Variants in MERTK observed in about 807,000 individuals in gnomAD.
MERTK encodes the protein MER proto-oncogene, tyrosine kinase.
In MERTK, 69 loss-of-function variants were observed where a neutral mutation model predicts 99.3. The observed-to-expected ratio is 0.70, with a 90% CI of 0.57 to 0.85. MERTK has a LOEUF of 0.85. MERTK is among the 40% of genes least tolerant of loss of function. The pLI is 0.00. For missense variants in MERTK, 1,125 were observed against 1,249.4 expected, an observed-to-expected ratio of 0.90 and a Z score of 1.50; for synonymous variants, 426 against 467.6, an observed-to-expected ratio of 0.91 and a Z score of 1.15.
intron 15 of MERTK, among the ~76,000 whole-genome samples, chr2:112,017,881 G>C (rs1449993518): frequency 1.3e-5 from 2 of 152,166 alleles, no homozygotes; most frequent in African/African-American, 2.4e-5. Context: ...ACAACAAGTA[G>C]AATGACTTCA....
intron 5 of MERTK, among the ~76,000 whole-genome samples, chr2:111,966,553 G>A (rs1685361411): frequency 6.6e-6 from 1 of 152,082 alleles, no homozygotes; most frequent in Admixed American, 6.5e-5. Context: ...AAAATGAAAA[G>A]CACTTCTCCA....
chr2:111,928,250 G>A (rs1231924533), intron 1 of MERTK, among the ~76,000 whole-genome samples: 25 of 116,988 alleles, frequency 2.1e-4, no homozygotes, highest in Admixed American at 3.3e-4. Flanking sequence ...TTTTGAGACA[G>A]GGTCTCACTC....
At position 111,940,418 on chromosome 2, in the gene MERTK, G is replaced by A. The variant is rs529296488; in HGVS notation, c.483-4542G>A. The stretch of plus-strand genomic sequence containing the variant: ...AGCTGTCTGAGCTCTTCTGTATACA[G>A]CAGTCACAGAATTTGAGTAGCTTCA... On this transcript the variant is annotated intron_variant, in intron 2 of 18. Transcript: ENST00000295408. 1.5e-5 allele frequency: 8 copies of A among 539,938 alleles called. No individual in the cohort carries two copies. The East Asian group carries it at 4.1e-4, about 28-fold the overall frequency. The allele number at this position is 539,938 out of a possible 1,614,324, so 33.4% of individuals were successfully genotyped here. A position where few individuals can be genotyped will look rare whatever the true frequency, so the allele number is the denominator to read the frequency against.
intron 7 of MERTK, among the ~76,000 whole-genome samples, chr2:111,980,003 G>C (rs554993927): frequency 6.6e-6 from 1 of 152,250 alleles, no homozygotes; most frequent in African/African-American, 2.4e-5. Flanking sequence ...AACTCTGTGG[G>C]TATGGGCAGA....
intron 1 of MERTK, among the ~76,000 whole-genome samples, chr2:111,904,802 G>A (rs990234791): frequency 1.1e-4 from 17 of 152,294 alleles, no homozygotes; most frequent in Admixed American, 7.8e-4. Flanking sequence ...GTATGTGTCC[G>A]CAGGTGGTCT....
At chr2:111,947,285 A>G (rs7601798) in intron 3 of MERTK, 109 bp from the exon 4 acceptor site, 207,591 of 492,490 alleles carry the variant, frequency 0.42, 38,596 homozygotes, top group African/African-American at 0.54. Flanking sequence ...CCCGCCCCCC[A>G]CAAAAAAAGA....
chr2:112,010,419 C>G (rs997655153), intron 15 of MERTK: 1 of 275,428 alleles, frequency 3.6e-6, no homozygotes, highest in Non-Finnish European at 7.2e-6. Flanking sequence ...GAAGGTGGCT[C>G]TCCTAAAAGA....
In MERTK at chr2:111,976,528, G is replaced by A. The variant is rs1356466792; in HGVS notation, c.1144+1056G>A. 9.1e-5 allele frequency among the ~76,000 whole-genome samples: 6 copies of A among 65,942 alleles called. 1 individual carries two copies. Among genetic ancestry groups the A allele is most frequent in the Admixed American group, 6.4e-4 (4 of 6,264 alleles). The allele number at this position is 65,942 out of a possible 152,430, so 43.3% of individuals were successfully genotyped here. On this transcript the variant is annotated intron_variant, in intron 7 of 18. Transcript: ENST00000295408. ...CAGAAATCATGACAAAAACCTGTGT[G>A]TGTGTGTGTGTGTGTGTGTGTGTGT...
chr2:112,028,863 G>A lies in MERTK; in HGVS notation c.2999G>A (p.Ter1000=). ...DSSEGSEVLM[*] ...TCAGAAGGCTCAGAAGTCCTGATGT[G>A]AGGAGAGGTGCGGGGAGACATTCCA... Residue 1000 remains the stop codon, a stop_retained_variant, in exon 19 of 19, where the codon TGA becomes TAA. Transcript: ENST00000295408. 1 of 1,613,784 alleles carries A rather than the reference G, an allele frequency of 6.2e-7. No individual in the cohort carries two copies. The highest frequency in any genetic ancestry group is 8.5e-7 in the Non-Finnish European group (1 of 1,180,030).
At chr2:111,985,696 G>T (rs1392520409) in intron 8 of MERTK, among the ~76,000 whole-genome samples, 1 of 152,050 alleles carries the variant, frequency 6.6e-6, no homozygotes, top group Admixed American at 6.6e-5. Context: ...GTGTGCAGGG[G>T]AACTCCCCTT....
chr2:111,945,753 G>A (rs1684951104), intron 3 of MERTK, among the ~76,000 whole-genome samples: 1 of 152,208 alleles, frequency 6.6e-6, no homozygotes, highest in African/African-American at 2.4e-5. Context: ...CCTGATTTGG[G>A]GGTTTGCATG....
At chr2:111,969,555 T>C (rs1282887769) in intron 6 of MERTK, among the ~76,000 whole-genome samples, 2 of 152,212 alleles carry the variant, frequency 1.3e-5, no homozygotes, top group Admixed American at 1.3e-4. Context: ...TAGATGTTTT[T>C]ACTCGCTAGT....
chr2:111,975,511 A>T (rs1318203901), intron 7 of MERTK, 39 bp downstream of exon 7: 1 of 1,601,024 alleles, frequency 6.2e-7, no homozygotes, highest in Non-Finnish European at 8.6e-7. Flanking sequence ...GCCCCCAATG[A>T]CATGTGATTC....
intron 2 of MERTK, chr2:111,940,956 G>A: frequency 3.1e-6 from 2 of 647,022 alleles, no homozygotes; most frequent in South Asian, 2.9e-5. Flanking sequence ...AAACAGTGAA[G>A]TTTCTAAATT....
At chr2:111,945,212 G>GTGGA in intron 3 of MERTK, 152 bp downstream of exon 3, 1 of 669,668 alleles carries the variant, frequency 1.5e-6, no homozygotes, top group Non-Finnish European at 2.7e-6. Context: ...AATTTTACAA[G>GTGGA]GTACTCCACT....
intron 6 of MERTK, among the ~76,000 whole-genome samples, chr2:111,969,848 C>T (rs1254556767): frequency 4.6e-5 from 7 of 152,020 alleles, no homozygotes; most frequent in East Asian, 1.9e-4. Context: ...CCCGCCACCG[C>T]GCCCAGCTAA....
intron 1 of MERTK, among the ~76,000 whole-genome samples, chr2:111,917,636 C>T (rs1436441443): frequency 1.3e-5 from 2 of 152,128 alleles, no homozygotes; most frequent in African/African-American, 2.4e-5. Flanking sequence ...CCTGTAATCC[C>T]AGCACTTTGG....
intron 8 of MERTK, among the ~76,000 whole-genome samples, chr2:111,990,893 T>C (rs1676601989): frequency 1.3e-5 from 2 of 152,230 alleles, no homozygotes; most frequent in South Asian, 4.1e-4. Flanking sequence ...AGGGTTTCTA[T>C]TCTTCTATTC....
chr2:111,967,503 T>G (rs1685378587), intron 5 of MERTK, among the ~76,000 whole-genome samples: 2 of 152,196 alleles, frequency 1.3e-5, no homozygotes, highest in South Asian at 4.1e-4. Context: ...TTCACCCATC[T>G]GTTTCCAAGG....
Sources: allele counts gnomAD v4.1 joint callset (sites outside exome capture counted in the v4.1 genomes callset), GRCh38; gene constraint gnomAD v4.1.1; transcripts MANE v1.5; gene names NCBI Gene and HGNC (gene_info 2026-07-23, HGNC 2026-07-21).